Variants in DPP6 observed in about 807,000 individuals in gnomAD.
The protein encoded by DPP6 is dipeptidyl peptidase like 6.
A neutral mutation model predicts 122.6 loss-of-function variants in DPP6; 69 were observed. The ratio of observed to expected loss-of-function variants is 0.56; its 90% confidence interval spans 0.46 to 0.69. The LOEUF is 0.69. DPP6 is among the 30% of genes least tolerant of loss of function. The pLI is 0.00. For synonymous variants in DPP6, 418 were observed against 433.1 expected (o/e 0.97, Z 0.43); for missense variants, 928 against 1,116.9 (o/e 0.83, Z 2.41).
At position 154,794,071 on chromosome 7, in the gene DPP6, G is replaced by T; in HGVS notation, c.1137-8G>T. ...CCAAGCTGCTCATGCTGTGTTTGGC[G>T]TTTCCAGGGAGTACTACATCACCAT... On this transcript the variant is annotated splice_polypyrimidine_tract_variant and splice_region_variant and intron_variant, in intron 10 of 25. Coordinates refer to ENST00000377770, the MANE Select transcript of DPP6 (RefSeq NM_130797.4). The T allele has an allele frequency of 1.2e-6, 2 of 1,612,530 alleles. No homozygotes were observed. Among genetic ancestry groups the T allele is most frequent in the Non-Finnish European group, 1.7e-6 (2 of 1,179,082 alleles).
At chr7:154,104,618 C>G (rs543126819) in intron 1 of DPP6, among the ~76,000 whole-genome samples, 7 of 152,272 alleles carry the variant, frequency 4.6e-5, no homozygotes, top group Non-Finnish European at 1.0e-4. Context: ...CGGCCCTGGA[C>G]CTGTGCTGTG....
intron 1 of DPP6, among the ~76,000 whole-genome samples, chr7:153,960,582 C>T (rs1795300018): frequency 6.6e-6 from 1 of 151,120 alleles, no homozygotes; most frequent in South Asian, 2.1e-4. Context: ...CTTCACTGAG[C>T]TGACTGGTCA....
At chr7:154,870,146 C>CTTTTTTT (rs61457825) in intron 18 of DPP6, among the ~76,000 whole-genome samples, 3 of 121,728 alleles carry the variant, frequency 2.5e-5, no homozygotes, top group Admixed American at 8.4e-5. Flanking sequence ...CCAACTAATT[C>CTTTTTTT]TTTTTTTTTT....
rs71182852 is a variant in DPP6 at position 153,918,524 on chromosome 7, AACACACACACAC to A, written c.51+30820_51+30831del. 1.7e-3 allele frequency among the ~76,000 whole-genome samples: 135 copies of A among 77,482 alleles called. 1 individual carries two copies. The highest frequency in any genetic ancestry group is 5.8e-3 in the African/African-American group (104 of 17,896). The allele number at this position is 77,482 out of a possible 152,430, so 50.8% of individuals were successfully genotyped here. A position where few individuals can be genotyped will look rare whatever the true frequency, so the allele number is the denominator to read the frequency against. On this transcript the variant is annotated intron_variant, in intron 1 of 25. Transcript: ENST00000404039. ...CAAGGCAAAAAGAAGAGGTAATTAA[AACACACACACAC>A]ACACACACACACACACACACACACA...
At chr7:154,649,345 T>G (rs1243417545) in intron 6 of DPP6, among the ~76,000 whole-genome samples, 1 of 152,232 alleles carries the variant, frequency 6.6e-6, no homozygotes, top group Non-Finnish European at 1.5e-5. Context: ...CTGTGCACAT[T>G]TGCACACAGA....
chr7:154,061,248 A>G (rs1430698491), intron 1 of DPP6, among the ~76,000 whole-genome samples: 2 of 149,454 alleles, frequency 1.3e-5, no homozygotes. Flanking sequence ...GGAACTTTTG[A>G]AATGGGGATC....
intron 1 of DPP6, among the ~76,000 whole-genome samples, chr7:153,943,930 A>G (rs1297210519): frequency 6.6e-6 from 1 of 152,120 alleles, no homozygotes; most frequent in Non-Finnish European, 1.5e-5. Flanking sequence ...GCCTGAAACA[A>G]AGGCAGTTCC....
At chr7:154,719,911 G>A (rs1394883231) in intron 7 of DPP6, among the ~76,000 whole-genome samples, 1 of 152,192 alleles carries the variant, frequency 6.6e-6, no homozygotes, top group Non-Finnish European at 1.5e-5. Context: ...TGGGTTTCAG[G>A]GGGTGCCAGG....
At chr7:154,047,673 G>T (rs549468699), upstream of DPP6, among the ~76,000 whole-genome samples, 2 of 152,240 alleles carry the variant, frequency 1.3e-5, no homozygotes, top group Admixed American at 6.5e-5. Context: ...AATTTCTGAG[G>T]CAATGTTGGT....
intron 1 of DPP6, among the ~76,000 whole-genome samples, chr7:154,406,235 T>C (rs1816076297): frequency 6.6e-6 from 1 of 152,200 alleles, no homozygotes; most frequent in South Asian, 2.1e-4. Flanking sequence ...AAGGTAAGTC[T>C]ACAGTGTGCT....
At chr7:153,943,064 GT>G (rs1411130025) in intron 1 of DPP6, among the ~76,000 whole-genome samples, 1 of 151,950 alleles carries the variant, frequency 6.6e-6, no homozygotes, top group Non-Finnish European at 1.5e-5. Context: ...CTTTTTGACC[GT>G]TCTGATTTTG....
At chr7:154,234,652 C>T (rs1364584521) in intron 1 of DPP6, among the ~76,000 whole-genome samples, 2 of 152,076 alleles carry the variant, frequency 1.3e-5, no homozygotes, top group African/African-American at 2.4e-5. Flanking sequence ...AGAATCAACA[C>T]TCAACACGCA....
intron 1 of DPP6, among the ~76,000 whole-genome samples, chr7:154,218,311 T>G (rs1800117367): frequency 6.6e-6 from 1 of 152,178 alleles, no homozygotes; most frequent in Non-Finnish European, 1.5e-5. Flanking sequence ...CACCCTGAAC[T>G]GCCCAGGCTT....
chr7:154,706,715 C>T (rs1304457924), intron 7 of DPP6, among the ~76,000 whole-genome samples: 2 of 152,212 alleles, frequency 1.3e-5, no homozygotes, highest in African/African-American at 2.4e-5. Context: ...CTATCAAATG[C>T]TTAAAAGCAC....
At chr7:154,360,784 A>C (rs1811657504) in intron 1 of DPP6, among the ~76,000 whole-genome samples, 2 of 152,212 alleles carry the variant, frequency 1.3e-5, no homozygotes, top group East Asian at 3.8e-4. Flanking sequence ...TCAGAATAAC[A>C]GGAAGCAGCA....
intron 2 of DPP6, among the ~76,000 whole-genome samples, chr7:154,455,209 G>A (rs1400778207): frequency 6.6e-6 from 1 of 152,184 alleles, no homozygotes; most frequent in Non-Finnish European, 1.5e-5. Context: ...AGTTTTCTGA[G>A]TAGTTCCTTT....
intron 1 of DPP6, among the ~76,000 whole-genome samples, chr7:154,435,051 G>A (rs948304388): frequency 6.6e-6 from 1 of 152,098 alleles, no homozygotes; most frequent in East Asian, 1.9e-4. Context: ...TGGCCAGGCT[G>A]GTGTTGAACT....
At chr7:154,071,677 G>A (rs1386219163) in intron 1 of DPP6, among the ~76,000 whole-genome samples, 1 of 152,188 alleles carries the variant, frequency 6.6e-6, no homozygotes, top group African/African-American at 2.4e-5. Flanking sequence ...TGAAACAAAT[G>A]CCAGATATCA....
chr7:154,613,589 A>G (rs1484646270), intron 5 of DPP6, among the ~76,000 whole-genome samples: 1 of 139,172 alleles, frequency 7.2e-6, no homozygotes, highest in Non-Finnish European at 1.5e-5. Flanking sequence ...ATTGCACTCC[A>G]GCCTGGGCAA....
Sources: allele counts gnomAD v4.1 joint callset (sites outside exome capture counted in the v4.1 genomes callset), GRCh38; gene constraint gnomAD v4.1.1; transcripts MANE v1.5; gene names NCBI Gene and HGNC (gene_info 2026-07-23, HGNC 2026-07-21).